Variants in C3orf49 observed in about 807,000 individuals in gnomAD.
C3orf49 encodes chromosome 3 open reading frame 49.
A neutral mutation model predicts 13.3 loss-of-function variants in C3orf49; 27 were observed. That is an observed-to-expected ratio of 2.02 (90% CI 1.49 to 2.79). The LOEUF is 2.79. Among genes scored for constraint, C3orf49 ranks in the 30% most tolerant of loss-of-function variants. The pLI is 0.00. For synonymous variants in C3orf49, 87 were observed against 47.6 expected (o/e 1.83, Z -3.40); for missense variants, 242 against 134.2 (o/e 1.80, Z -3.97).
At chr3:63,812,912 T>C in the C3orf49 span, among the ~76,000 whole-genome samples, 262 of 152,344 alleles carry the variant, frequency 1.7e-3, 1 homozygote, top group South Asian at 8.1e-3. Flanking sequence ...TCACTCGTAA[T>C]CTCCAGAAAC....
rs80063219 is a variant in C3orf49, at chr3:63,820,437, T to C, written c.125+841T>C. On this transcript the variant is annotated intron_variant, in intron 1 of 6. Coordinates refer to ENST00000295896, the MANE Select transcript of C3orf49 (RefSeq NM_001355236.2). Reference sequence around the variant, plus strand: ...TCATATCAGAAATTGCAGCAGTGTGTTCCTAGGCTCTGGAGCTAAATCACC... The same window carrying C: ...TCATATCAGAAATTGCAGCAGTGTGCTCCTAGGCTCTGGAGCTAAATCACC... 3.2e-3 allele frequency among the ~76,000 whole-genome samples: 484 copies of C among 152,288 alleles called. 3 individuals are homozygous for C. Among genetic ancestry groups the C allele is most frequent in the African/African-American group, 0.011 (464 of 41,552 alleles).
chr3:63,835,517 C>A, intron 5 of C3orf49: 1 of 694,238 alleles, frequency 1.4e-6, no homozygotes, highest in Non-Finnish European at 2.3e-6. Flanking sequence ...AGTTATAACA[C>A]TCCATTATGG....
In C3orf49 at chr3:63,845,021, A is replaced by C. The variant is rs917300712; in HGVS notation, c.850-2A>C. 8 of 698,500 alleles carry C rather than the reference A, an allele frequency of 1.1e-5. No homozygotes were observed. In the African/African-American group the frequency reaches 1.2e-4, roughly 11 times the overall value. The allele number at this position is 698,500 out of a possible 1,614,324, so 43.3% of individuals were successfully genotyped here. ...ATTTGTTGTAATTTTGTCTCTTGACAGATGACCACAAAAGGACCTGGAGAC... is the reference window on the plus strand; with the variant it reads ...ATTTGTTGTAATTTTGTCTCTTGACCGATGACCACAAAAGGACCTGGAGAC... On this transcript the variant is annotated splice_acceptor_variant, in intron 5 of 6. Coordinates refer to ENST00000295896, the MANE Select transcript of C3orf49 (RefSeq NM_001355236.2). LOFTEE classifies it high-confidence loss of function.
chr3:63,834,273 A>G, intron 5 of C3orf49: 1 of 1,435,586 alleles, frequency 7.0e-7, no homozygotes, highest in Non-Finnish European at 9.8e-7. Context: ...ACATGAAAAC[A>G]TGTTTATCCT....
rs1387724934 is a variant in C3orf49, at chr3:63,845,093, C to A, written c.*30+11C>A. The A allele has an allele frequency of 7.2e-6, 5 of 693,512 alleles. No homozygotes were observed. The African/African-American group carries it at 8.8e-5, about 12-fold the overall frequency. The allele number at this position is 693,512 out of a possible 1,614,324, so 43.0% of individuals were successfully genotyped here. On this transcript the variant is annotated intron_variant, in intron 6 of 6. Transcript: ENST00000295896. ...GGAACACAGGAAAAGGTGATGCTAACCTTCTTTTCTGGGGGTGGGGGGTAC... is the reference window on the plus strand; with the variant it reads ...GGAACACAGGAAAAGGTGATGCTAAACTTCTTTTCTGGGGGTGGGGGGTAC...
intron 5 of C3orf49, chr3:63,839,926 T>G: frequency 8.6e-6 from 5 of 584,502 alleles, no homozygotes; most frequent in Non-Finnish European, 8.9e-6. Context: ...AATGGCTAGC[T>G]AAAATGGTAA....
intron 5 of C3orf49, among the ~76,000 whole-genome samples, chr3:63,843,818 G>A (rs533912081): frequency 4.6e-5 from 7 of 152,018 alleles, no homozygotes; most frequent in South Asian, 4.2e-4. Context: ...GGAGAATGGC[G>A]TGAACCCGGG....
chr3:63,818,129 T>A (rs1411142548), upstream of C3orf49, among the ~76,000 whole-genome samples: 3 of 152,106 alleles, frequency 2.0e-5, no homozygotes, highest in East Asian at 5.8e-4. Flanking sequence ...CTGCACCCAC[T>A]CTCCTAGAAT....
At position 63,819,412 on chromosome 3, in the gene C3orf49, G is replaced by T. The variant is rs1701366695; in HGVS notation, c.-60G>T. ...AGTCACTGGATGATTTTGTATTGAA[G>T]TCTGTAAGTTCAAGAACTAAAACAA... On this transcript the variant is annotated 5_prime_UTR_variant, in exon 1 of 7. Transcript: ENST00000295896. The T allele has an allele frequency of 1.5e-6, 1 of 689,008 alleles. No homozygotes were observed. Among genetic ancestry groups the T allele is most frequent in the South Asian group, 1.5e-5 (1 of 65,904 alleles). The allele number at this position is 689,008 out of a possible 1,614,324, so 42.7% of individuals were successfully genotyped here.
At chr3:63,822,550 G>C (rs1339366956) in intron 1 of C3orf49, among the ~76,000 whole-genome samples, 2 of 152,314 alleles carry the variant, frequency 1.3e-5, no homozygotes, top group East Asian at 3.9e-4. Flanking sequence ...AAGTAGAGAT[G>C]AGAATATAAA....
chr3:63,812,327 A>G, the C3orf49 span, among the ~76,000 whole-genome samples: 1 of 152,212 alleles, frequency 6.6e-6, no homozygotes, highest in East Asian at 1.9e-4. Context: ...ATGTTTTAAG[A>G]AAGTTTATGA....
At chr3:63,810,350 AAATTGGGAACTTT>A in the C3orf49 span, among the ~76,000 whole-genome samples, 1 of 152,248 alleles carries the variant, frequency 6.6e-6, no homozygotes, top group East Asian at 1.9e-4. Context: ...AAGTGTCATG[AAATTGGGAACTTT>A]CATCTGTTCC....
At chr3:63,829,577 A>C (rs556867066) in intron 3 of C3orf49, among the ~76,000 whole-genome samples, 3 of 152,334 alleles carry the variant, frequency 2.0e-5, no homozygotes, top group African/African-American at 7.2e-5. Flanking sequence ...GGCTATGATT[A>C]AGAATTTCTG....
At chr3:63,798,218 T>A in the C3orf49 span, among the ~76,000 whole-genome samples, 2 of 152,164 alleles carry the variant, frequency 1.3e-5, no homozygotes, top group African/African-American at 4.8e-5. Flanking sequence ...CCAAAATAAT[T>A]TGATCACAGG....
chr3:63,836,262 TA>T, intron 5 of C3orf49: 1 of 1,587,850 alleles, frequency 6.3e-7, no homozygotes. Context: ...CATTTATGTA[TA>T]AAGGTTAGTT....
chr3:63,847,877 A>G (rs533270003), intron 6 of C3orf49, among the ~76,000 whole-genome samples: 59 of 152,352 alleles, frequency 3.9e-4, no homozygotes, highest in African/African-American at 1.4e-3. Flanking sequence ...CACCCATTCA[A>G]TAGGCCAAGG....
At chr3:63,814,167 T>G in the C3orf49 span, among the ~76,000 whole-genome samples, 2 of 152,162 alleles carry the variant, frequency 1.3e-5, no homozygotes, top group African/African-American at 4.8e-5. Flanking sequence ...AAATCACCTT[T>G]AGGAGCACTG....
chr3:63,838,539 G>T, intron 5 of C3orf49: 2 of 1,563,370 alleles, frequency 1.3e-6, no homozygotes, highest in South Asian at 1.2e-5. Context: ...AGATATTTGT[G>T]GACTGACAAA....
chr3:63,821,412 T>G (rs1374399495), intron 1 of C3orf49, among the ~76,000 whole-genome samples: 1 of 152,192 alleles, frequency 6.6e-6, no homozygotes, highest in Non-Finnish European at 1.5e-5. Flanking sequence ...ATATGTTATA[T>G]ATTTAATACA....
Sources: gnomAD v4.1 joint callset for allele counts (sites outside exome capture counted in the v4.1 genomes callset) on GRCh38, gnomAD v4.1.1 for gene constraint, MANE v1.5 for transcripts, NCBI Gene and HGNC (gene_info 2026-07-23, HGNC 2026-07-21) for gene names.